KIR2DL3: variants seen among roughly 807,000 people sequenced by gnomAD.
KIR2DL3 encodes the protein killer cell immunoglobulin like receptor, two Ig domains and long cytoplasmic tail 3.
A neutral mutation model predicts 33.8 loss-of-function variants in KIR2DL3; 39 were observed. That is an observed-to-expected ratio of 1.15 (90% CI 0.89 to 1.51). KIR2DL3 has a LOEUF of 1.51. Ranked by LOEUF, KIR2DL3 falls within the 40% of genes most tolerant of loss-of-function variation. The pLI is 0.00. For missense variants in KIR2DL3, 462 were observed against 426.2 expected, an observed-to-expected ratio of 1.08 and a Z score of -0.74; for synonymous variants, 174 against 160.2, an observed-to-expected ratio of 1.09 and a Z score of -0.65.
In KIR2DL3 at chr19:54,752,710, T is replaced by C; in HGVS notation, c.*191T>C. 1.2e-6 allele frequency: 1 copy of C among 864,200 alleles called. No individual in the cohort carries two copies. Among genetic ancestry groups the C allele is most frequent in the Admixed American group, 2.4e-5 (1 of 42,294 alleles). 53.5% of individuals were successfully genotyped at this position (864,200 alleles called of 1,614,324 possible). ...AAATCTGAACGTGCCTCTCCCTTGC[T>C]TACAAATGTCTAAGGTCCCCACTGC... On this transcript the variant is annotated 3_prime_UTR_variant, in exon 8 of 8. Transcript: ENST00000342376.
At chr19:54,739,612 G>A in intron 2 of KIR2DL3, 70 bp downstream of exon 2, 1 of 1,611,812 alleles carries the variant, frequency 6.2e-7, no homozygotes, top group Admixed American at 1.7e-5. Context: ...CAGGAGGGAA[G>A]TCCTGTCGGG....
At chr19:54,744,948 AT>A (rs2072165695) in intron 4 of KIR2DL3, among the ~76,000 whole-genome samples, 1 of 26,256 alleles carries the variant, frequency 3.8e-5, no homozygotes, top group Admixed American at 6.2e-4. Flanking sequence ...ATATATATAT[AT>A]ATATATTTTT....
chr19:54,748,857 C>A (rs2072984190), intron 5 of KIR2DL3, among the ~76,000 whole-genome samples: 1 of 149,224 alleles, frequency 6.7e-6, no homozygotes, highest in African/African-American at 2.5e-5. Context: ...AAACTCCCAA[C>A]CTCAAGTGAT....
At chr19:54,747,848 A>T (rs2147139252) in intron 5 of KIR2DL3, among the ~76,000 whole-genome samples, 1 of 152,328 alleles carries the variant, frequency 6.6e-6, no homozygotes, top group Non-Finnish European at 1.5e-5. Flanking sequence ...AACGGAGCTC[A>T]TGCACGCACA....
intron 2 of KIR2DL3, among the ~76,000 whole-genome samples, chr19:54,741,748 C>G (rs1278029088): frequency 6.6e-6 from 1 of 150,876 alleles, no homozygotes; most frequent in African/African-American, 2.4e-5. Flanking sequence ...AGAGATGAGG[C>G]TCAGCCCAGT....
chr19:54,741,904 A>C, intron 2 of KIR2DL3, 76 bp from the exon 3 acceptor site: 1 of 1,343,896 alleles, frequency 7.4e-7, no homozygotes, highest in East Asian at 2.3e-5. Context: ...AGCAAGGGGA[A>C]GCCTCACTCA....
intron 5 of KIR2DL3, among the ~76,000 whole-genome samples, chr19:54,748,454 A>T (rs1367567000): frequency 7.2e-6 from 1 of 139,820 alleles, no homozygotes; most frequent in Admixed American, 7.5e-5. Flanking sequence ...TTGGGGTGGG[A>T]CAGCATTCTC....
intron 4 of KIR2DL3, 75 bp from the exon 5 acceptor site, chr19:54,747,260 C>G (rs2072665569): frequency 1.3e-6 from 2 of 1,576,780 alleles, no homozygotes; most frequent in South Asian, 1.1e-5. Context: ...TGGCCATGAA[C>G]CAACCTCAAA....
At chr19:54,744,870 T>TTTTATA (rs1257076612) in intron 4 of KIR2DL3, among the ~76,000 whole-genome samples, 1 of 78,424 alleles carries the variant, frequency 1.3e-5, no homozygotes, top group African/African-American at 4.7e-5. Flanking sequence ...ATAAATACAT[T>TTTTATA]TATATATATA....
intron 1 of KIR2DL3, among the ~76,000 whole-genome samples, chr19:54,739,006 C>G (rs1238072768): frequency 1.5e-5 from 1 of 68,084 alleles, no homozygotes; most frequent in African/African-American, 5.9e-5. Flanking sequence ...TACGGGCCTG[C>G]AGTAGAGATA....
In KIR2DL3 at chr19:54,751,682, C is replaced by G. The variant is rs1189452847; in HGVS notation, c.749C>G (p.Thr250Ser). The G allele has an allele frequency of 2.7e-6, 4 of 1,478,926 alleles. 1 individual carries two copies. Among genetic ancestry groups the G allele is most frequent in the Middle Eastern group, 3.8e-4 (2 of 5,314 alleles). 91.6% of individuals were successfully genotyped at this position (1,478,926 alleles called of 1,614,324 possible). A position where few individuals can be genotyped will look rare whatever the true frequency, so the allele number is the denominator to read the frequency against. ...NPRHLHVLIG[T>S]SVVIILFILL... ...AGACACCTGCATGTTCTGATTGGGA[C>G]CTCAGTGGTCATCATCCTCTTCATC... Residue 250 changes from threonine (T) to serine (S), a missense_variant, in exon 6 of 8, where the codon ACC becomes AGC. Transcript: ENST00000342376.
At position 54,742,007 on chromosome 19, in the gene KIR2DL3, C is replaced by T; in HGVS notation, c.98C>T (p.Ala33Val). ...EGVHRKPSLL[A>V]HPGPLVKSEE... Reference sequence around the variant, plus strand: ...GTCCACAGAAAACCTTCCCTCCTGGCCCACCCAGGTCCCCTGGTGAAATCA... The same window carrying T: ...GTCCACAGAAAACCTTCCCTCCTGGTCCACCCAGGTCCCCTGGTGAAATCA... The change falls in exon 3 of 8, where the codon GCC becomes GTC. Residue 33 changes from alanine (A) to valine (V), a missense_variant. Coordinates refer to ENST00000342376, the MANE Select transcript of KIR2DL3 (RefSeq NM_015868.3). 1 of 1,611,454 alleles carries T rather than the reference C, an allele frequency of 6.2e-7. No individual in the cohort carries two copies. Among genetic ancestry groups the T allele is most frequent in the Non-Finnish European group, 8.5e-7 (1 of 1,178,724 alleles).
At chr19:54,740,226 G>A (rs1319111929) in intron 2 of KIR2DL3, among the ~76,000 whole-genome samples, 1 of 152,008 alleles carries the variant, frequency 6.6e-6, no homozygotes, top group Admixed American at 6.6e-5. Context: ...GGGAAGGGCA[G>A]TTCCACATCC....
chr19:54,745,476 C>A (rs1013082011), intron 4 of KIR2DL3, among the ~76,000 whole-genome samples: 6 of 151,936 alleles, frequency 3.9e-5, no homozygotes, highest in Admixed American at 3.9e-4. Flanking sequence ...GATTTTCCTG[C>A]CTCAGCCTCC....
At chr19:54,742,529 G>A (rs1461823734) in intron 3 of KIR2DL3, among the ~76,000 whole-genome samples, 1 of 152,072 alleles carries the variant, frequency 6.6e-6, no homozygotes, top group Non-Finnish European at 1.5e-5. Context: ...GAGACAGACA[G>A]ACAGACATGT....
chr19:54,751,335 C>G (rs541473112), intron 5 of KIR2DL3, among the ~76,000 whole-genome samples: 2 of 132,552 alleles, frequency 1.5e-5, no homozygotes, highest in African/African-American at 2.9e-5. Context: ...CAGCATTGGT[C>G]TGTTCATGAT....
At position 54,743,606 on chromosome 19, in the gene KIR2DL3, A is replaced by T. The variant is rs1305469205; in HGVS notation, c.371-189A>T. Among the ~76,000 whole-genome samples, 3 of 152,136 alleles carry T rather than the reference A, an allele frequency of 2.0e-5. No homozygotes were observed. In the East Asian group the frequency reaches 5.8e-4, roughly 29 times the overall value. ...AAACATATCTAGAGGTGGGGAAGCG[A>T]GGTCAGAGACCTAGAGAGACAGAGA... On this transcript the variant is annotated intron_variant, in intron 3 of 7. Transcript: ENST00000342376.
intron 4 of KIR2DL3, among the ~76,000 whole-genome samples, chr19:54,744,901 C>T (rs796151999): frequency 0.12 from 5,332 of 45,652 alleles, 70 homozygotes; most frequent in African/African-American, 0.18. Context: ...TATATATACA[C>T]ACACACACAC....
intron 2 of KIR2DL3, among the ~76,000 whole-genome samples, chr19:54,740,053 G>A (rs112262159): frequency 6.6e-6 from 1 of 152,176 alleles, no homozygotes; most frequent in Non-Finnish European, 1.5e-5. Flanking sequence ...AATCTAGTAG[G>A]AGTCTCTTTA....
Sources: gnomAD v4.1 joint callset for allele counts (sites outside exome capture counted in the v4.1 genomes callset) on GRCh38, gnomAD v4.1.1 for gene constraint, MANE v1.5 for transcripts, NCBI Gene and HGNC (gene_info 2026-07-23, HGNC 2026-07-21) for gene names.